AP5M1: variants seen among roughly 807,000 people sequenced by gnomAD.
AP5M1 encodes AP-5 complex subunit mu-1.
Under a neutral mutation model 52.3 loss-of-function variants are expected in AP5M1, and 44 were observed. The observed-to-expected ratio is 0.84, with a 90% CI of 0.66 to 1.08. AP5M1 has a LOEUF of 1.08. Among genes scored for constraint, AP5M1 ranks in the 50% least tolerant of loss-of-function variants. The pLI is 0.00. For synonymous variants in AP5M1, 213 were observed against 199.0 expected (o/e 1.07, Z -0.59); for missense variants, 526 against 568.4 (o/e 0.93, Z 0.76).
At position 57,289,784 on chromosome 14, in the gene AP5M1, G is replaced by C. The variant is rs11542788; in HGVS notation, c.*900G>C. On this transcript the variant is annotated 3_prime_UTR_variant, in exon 8 of 8. Transcript: ENST00000261558. ...ATTCAAAAGGCACTCTGTGAGTAGA[G>C]AGTATCATTTAAGCTTATTTTAGTC... 1.3e-5 allele frequency: 2 copies of C among 151,974 alleles called. No homozygotes were observed. The allele number at this position is 151,974 out of a possible 1,614,324, so 9.4% of individuals were successfully genotyped here.
rs1434475767 is a variant in AP5M1 at position 57,282,045 on chromosome 14, CT to C, written c.949-43del. The C allele has an allele frequency of 3.4e-6, 5 of 1,488,004 alleles. No homozygotes were observed. The African/African-American group carries it at 7.4e-5, about 22-fold the overall frequency. The allele number at this position is 1,488,004 out of a possible 1,614,324, so 92.2% of individuals were successfully genotyped here. On this transcript the variant is annotated intron_variant, in intron 3 of 7. Coordinates refer to ENST00000261558, the MANE Select transcript of AP5M1 (RefSeq NM_018229.4). Reference sequence around the variant, plus strand: ...TCTCAGTTACTTTTGTTGTTTTAGACTCATTAACCTGAGAATTATATAGACA... The same window carrying C: ...TCTCAGTTACTTTTGTTGTTTTAGACCATTAACCTGAGAATTATATAGACA...
At position 57,293,292 on chromosome 14, in the gene AP5M1, G is replaced by A. The variant is rs1404031894; in HGVS notation, c.*4408G>A. The A allele has an allele frequency of 3.3e-5, 5 of 151,628 alleles. No homozygotes were observed. Among genetic ancestry groups the A allele is most frequent in the African/African-American group, 1.2e-4 (5 of 41,340 alleles). The allele number at this position is 151,628 out of a possible 1,614,324, so 9.4% of individuals were successfully genotyped here. A position where few individuals can be genotyped will look rare whatever the true frequency, so the allele number is the denominator to read the frequency against. On this transcript the variant is annotated 3_prime_UTR_variant, in exon 8 of 8. Transcript: ENST00000261558. ...AATATGTTTTTAAAGATTAGATTTT[G>A]ATTAATGATTTAGTTATATACAGCA...
At chr14:57,286,818 A>G (rs745887263) in intron 7 of AP5M1, among the ~76,000 whole-genome samples, 2 of 152,224 alleles carry the variant, frequency 1.3e-5, no homozygotes, top group African/African-American at 2.4e-5. Context: ...TTTAGTAGAT[A>G]CTAGAGATGA....
chr14:57,270,776 C>G (rs1283394436), intron 1 of AP5M1, among the ~76,000 whole-genome samples: 1 of 152,200 alleles, frequency 6.6e-6, no homozygotes, highest in Admixed American at 6.5e-5. Context: ...TTCGATGTTA[C>G]TCTTTTTCAT....
At position 57,274,421 on chromosome 14, in the gene AP5M1, T is replaced by C. The variant is rs1162804319; in HGVS notation, c.252T>C (p.Tyr84=). 9 of 1,614,074 alleles carry C rather than the reference T, an allele frequency of 5.6e-6. No individual in the cohort carries two copies. Among genetic ancestry groups the C allele is most frequent in the Non-Finnish European group, 6.8e-6 (8 of 1,180,040 alleles). The change falls in exon 2 of 8, where the codon TAT becomes TAC. Residue 84 remains tyrosine (Y), a synonymous_variant. Transcript: ENST00000261558. ...SCSRINKTSI[Y]GLLIGGEELW... ...CACGCATCAATAAAACATCCATTTA[T>C]GGACTCCTGATAGGAGGTGAAGAAC...
rs1361733428 is a variant in AP5M1 at position 57,269,141 on chromosome 14, G to T, written c.-174G>T. ...GTGTGTGTTGGCCTAGAGCGACTCA[G>T]AAGCGTTAGTGACTTCACCTAAAAA... On this transcript the variant is annotated 5_prime_UTR_variant, in exon 1 of 8. Transcript: ENST00000261558. The T allele has an allele frequency of 1.6e-6, 1 of 622,542 alleles. No homozygotes were observed. Among genetic ancestry groups the T allele is most frequent in the Non-Finnish European group, 2.8e-6 (1 of 353,420 alleles). 38.6% of individuals were successfully genotyped at this position (622,542 alleles called of 1,614,324 possible).
At position 57,288,915 on chromosome 14, in the gene AP5M1, G is replaced by T. The variant is rs775328054; in HGVS notation, c.*31G>T. The T allele has an allele frequency of 2.0e-5, 25 of 1,268,154 alleles. No homozygotes were observed. Among genetic ancestry groups the T allele is most frequent in the Non-Finnish European group, 2.7e-5 (24 of 896,116 alleles). The allele number at this position is 1,268,154 out of a possible 1,614,324, so 78.6% of individuals were successfully genotyped here. A position where few individuals can be genotyped will look rare whatever the true frequency, so the allele number is the denominator to read the frequency against. On this transcript the variant is annotated 3_prime_UTR_variant, in exon 8 of 8. Transcript: ENST00000261558. ...TCATGTTTAAATGGGATTATATAATGATAACAGTTTAAAGAAAATCATAAT... is the reference window on the plus strand; with the variant it reads ...TCATGTTTAAATGGGATTATATAATTATAACAGTTTAAAGAAAATCATAAT...
At chr14:57,286,161 A>G in intron 6 of AP5M1, 62 bp from the exon 7 acceptor site, 1 of 1,159,758 alleles carries the variant, frequency 8.6e-7, no homozygotes, top group Admixed American at 2.0e-5. Flanking sequence ...AAGGGAAAAA[A>G]TGTAACCATG....
rs1169992210 is a variant in AP5M1, at chr14:57,297,417, T to C, written c.*8533T>C. On this transcript the variant is annotated 3_prime_UTR_variant, in exon 8 of 8. Coordinates refer to ENST00000261558, the MANE Select transcript of AP5M1 (RefSeq NM_018229.4). ...TAAGGAAAATATATATGTGAAGAAATGTTAGGTAATCTAACATTTGTATGC... is the reference window on the plus strand; with the variant it reads ...TAAGGAAAATATATATGTGAAGAAACGTTAGGTAATCTAACATTTGTATGC... The C allele has an allele frequency of 6.6e-6, 1 of 152,118 alleles. No homozygotes were observed. Among genetic ancestry groups the C allele is most frequent in the African/African-American group, 2.4e-5 (1 of 41,428 alleles). 9.4% of individuals were successfully genotyped at this position (152,118 alleles called of 1,614,324 possible).
rs1448912729 is a variant in AP5M1, at chr14:57,274,808, C to T, written c.639C>T (p.Ile213=). The change falls in exon 2 of 8, where the codon ATC becomes ATT. Residue 213 remains isoleucine, a synonymous_variant. Coordinates refer to ENST00000261558, the MANE Select transcript of AP5M1 (RefSeq NM_018229.4). ...GAAAACCACAAGTTTCTATTTCTAT[C>T]ACTGAAAAGGTAAAATCCATGCAAT... ...YKGKPQVSIS[I]TEKVKSMQYD... is the part of the protein sequence containing the mutation. 6.2e-7 allele frequency: 1 copy of T among 1,614,144 alleles called. No individual in the cohort carries two copies. The highest frequency in any genetic ancestry group is 1.1e-5 in the South Asian group (1 of 91,082).
At chr14:57,280,126 A>C in intron 2 of AP5M1, 69 bp from the exon 3 acceptor site, 1 of 1,173,210 alleles carries the variant, frequency 8.5e-7, no homozygotes, top group Non-Finnish European at 1.3e-6. Context: ...ACTTTGATAA[A>C]TTTTGAAAAG....
intron 6 of AP5M1, 61 bp from the exon 7 acceptor site, chr14:57,286,162 T>G: frequency 2.6e-6 from 3 of 1,164,422 alleles, no homozygotes; most frequent in Non-Finnish European, 3.8e-6. Flanking sequence ...AGGGAAAAAA[T>G]GTAACCATGC....
chr14:57,284,443 T>C (rs1885259941), intron 6 of AP5M1, among the ~76,000 whole-genome samples: 1 of 152,112 alleles, frequency 6.6e-6, no homozygotes, highest in African/African-American at 2.4e-5. Context: ...CTGGAATGGA[T>C]GTAAGGAAGG....
Position 57,268,994 on chromosome 14 carries a change from G to A in AP5M1, c.-321G>A. ...AAAGGCTCGACGCTACCGTGTATGA[G>A]GAACTTTGATCCTTGCGGGCCACCA... On this transcript the variant is annotated 5_prime_UTR_variant, in exon 1 of 8. Coordinates refer to ENST00000261558, the MANE Select transcript of AP5M1 (RefSeq NM_018229.4). 1.8e-6 allele frequency: 1 copy of A among 563,590 alleles called. No individual in the cohort carries two copies. The highest frequency in any genetic ancestry group is 1.9e-5 in the African/African-American group (1 of 51,626). 34.9% of individuals were successfully genotyped at this position (563,590 alleles called of 1,614,324 possible).
chr14:57,286,270 T>A lies in AP5M1; in HGVS notation c.1341T>A (p.Asp447Glu). The A allele has an allele frequency of 6.2e-7, 1 of 1,613,372 alleles. No individual in the cohort carries two copies. Among genetic ancestry groups the A allele is most frequent in the Non-Finnish European group, 8.5e-7 (1 of 1,179,474 alleles). The change falls in exon 7 of 8, where the codon GAT becomes GAA. Residue 447 changes from aspartate to glutamate, a missense_variant. Asp to Glu is a conservative substitution (Grantham distance 45). Transcript: ENST00000261558. ...LDYTLTGCYADQHSVQVFASG... is the reference protein window; with the variant it reads ...LDYTLTGCYAEQHSVQVFASG... Reference sequence around the variant, plus strand: ...ACACACTTACTGGATGTTATGCAGATCAGCATTCAGTTCAAGTTTTTGCAT... The same window carrying A: ...ACACACTTACTGGATGTTATGCAGAACAGCATTCAGTTCAAGTTTTTGCAT...
At position 57,296,591 on chromosome 14, in the gene AP5M1, G is replaced by C. The variant is rs1885557677; in HGVS notation, c.*7707G>C. ...AAGTGGTTAGTAATATTTGTAGCTT[G>C]TTAACCAACTGGAGCAAAAGGACTT... is the stretch of plus-strand genomic sequence containing the variant. On this transcript the variant is annotated 3_prime_UTR_variant, in exon 8 of 8. Transcript: ENST00000261558. The C allele has an allele frequency of 6.6e-6, 1 of 152,054 alleles. No homozygotes were observed. The highest frequency in any genetic ancestry group is 2.1e-4 in the South Asian group (1 of 4,836). The allele number at this position is 152,054 out of a possible 1,614,324, so 9.4% of individuals were successfully genotyped here. A position where few individuals can be genotyped will look rare whatever the true frequency, so the allele number is the denominator to read the frequency against.
chr14:57,282,094 T>C lies in AP5M1; in HGVS notation c.954T>C (p.Pro318=). The C allele has an allele frequency of 6.3e-7, 1 of 1,575,386 alleles. No homozygotes were observed. Residue 318 remains proline (P), a synonymous_variant, in exon 4 of 8, where the codon CCT becomes CCC. Coordinates refer to ENST00000261558, the MANE Select transcript of AP5M1 (RefSeq NM_018229.4). ...FNLCFYTSQV[P]VPPILGFYQM... ...ACATTTATGTTTCTTTTTAGGTCCC[T>C]GTCCCACCAATTTTGGGTTTTTATC...
In AP5M1 at chr14:57,280,188, A is replaced by G. The variant is rs771664613; in HGVS notation, c.721-7A>G. 2.5e-6 allele frequency: 4 copies of G among 1,601,902 alleles called. No individual in the cohort carries two copies. The South Asian group carries it at 3.3e-5, about 13-fold the overall frequency. ...TTTTGGTGATAATCTTTCTGTTTGCATTTCAGTGTGATTTGGAAGGAATCA... is the reference window on the plus strand; with the variant it reads ...TTTTGGTGATAATCTTTCTGTTTGCGTTTCAGTGTGATTTGGAAGGAATCA... On this transcript the variant is annotated splice_polypyrimidine_tract_variant and splice_region_variant and intron_variant, in intron 2 of 7. Transcript: ENST00000261558.
At chr14:57,272,453 A>G (rs528880320) in intron 1 of AP5M1, among the ~76,000 whole-genome samples, 1 of 152,358 alleles carries the variant, frequency 6.6e-6, no homozygotes, top group South Asian at 2.1e-4. Flanking sequence ...TAATAGCATC[A>G]GCTTACATCT....
Sources: allele counts gnomAD v4.1 joint callset (sites outside exome capture counted in the v4.1 genomes callset), GRCh38; gene constraint gnomAD v4.1.1; transcripts MANE v1.5; gene names NCBI Gene and HGNC (gene_info 2026-07-23, HGNC 2026-07-21).